Variants in SIPA1L2 observed in about 807,000 individuals in gnomAD.
SIPA1L2 encodes the protein signal-induced proliferation-associated 1-like protein 2.
SIPA1L2 carries 56 observed loss-of-function variants against 163.9 expected under a neutral mutation model. The observed-to-expected ratio is 0.34, with a 90% confidence interval of 0.28 to 0.43. The LOEUF (loss-of-function observed/expected upper bound fraction) is 0.43. Ranked by LOEUF, SIPA1L2 falls within the 20% of genes least tolerant of loss-of-function variation. The pLI is 1.00. For missense variants in SIPA1L2, 1,974 were observed against 2,193.5 expected, an observed-to-expected ratio of 0.90 and a Z score of 2.00; for synonymous variants, 877 against 865.7, an observed-to-expected ratio of 1.01 and a Z score of -0.23.
intron 2 of SIPA1L2, among the ~76,000 whole-genome samples, chr1:232,559,371 A>T (rs1658903273): frequency 6.6e-6 from 1 of 152,236 alleles, no homozygotes; most frequent in Non-Finnish European, 1.5e-5. Context: ...CGGCATGTAG[A>T]GTGCTTTAGA....
At chr1:232,403,047 A>G (rs1660437155) in intron 21 of SIPA1L2, among the ~76,000 whole-genome samples, 1 of 152,242 alleles carries the variant, frequency 6.6e-6, no homozygotes, top group African/African-American at 2.4e-5. Flanking sequence ...GGGAGGGGCC[A>G]TGCCCTGGGC....
At chr1:232,503,384 A>C (rs1423968443) in intron 3 of SIPA1L2, among the ~76,000 whole-genome samples, 1 of 152,250 alleles carries the variant, frequency 6.6e-6, no homozygotes, top group African/African-American at 2.4e-5. Context: ...ACCCTAGCCC[A>C]AAAGCTGTTT....
At chr1:232,490,783 A>T (rs557036429) in intron 5 of SIPA1L2, 91 bp downstream of exon 5, 1 of 1,303,290 alleles carries the variant, frequency 7.7e-7, no homozygotes, top group East Asian at 2.3e-5. Context: ...AAAATAAATG[A>T]TCTTACAAGA....
rs183682892 is a variant in SIPA1L2, at chr1:232,505,644, C to T, written c.1483+8213G>A. On this transcript the variant is annotated intron_variant, in intron 3 of 22. Coordinates refer to ENST00000674635, the MANE Select transcript of SIPA1L2 (RefSeq NM_020808.5). ...GGCACCTCTGCAAGAGAGAAAGCCC[C>T]GGTGTTTTCCACCGACGGCCACATG... 4.4e-4 allele frequency among the ~76,000 whole-genome samples: 67 copies of T among 152,236 alleles called. 1 individual carries two copies. The highest frequency in any genetic ancestry group is 2.7e-3 in the East Asian group (14 of 5,176).
intron 2 of SIPA1L2, among the ~76,000 whole-genome samples, chr1:232,572,910 CT>C (rs1422814200): frequency 6.6e-6 from 1 of 151,846 alleles, no homozygotes; most frequent in African/African-American, 2.4e-5. Flanking sequence ...TCCCAAGTAG[CT>C]GGGATTACAG....
intron 1 of SIPA1L2, among the ~76,000 whole-genome samples, chr1:232,619,386 G>A (rs1662679120): frequency 6.6e-6 from 1 of 152,166 alleles, no homozygotes; most frequent in African/African-American, 2.4e-5. Flanking sequence ...TAATACACCT[G>A]ACACATAGCC....
chr1:232,567,042 G>T (rs12072371), intron 2 of SIPA1L2, among the ~76,000 whole-genome samples: 2 of 151,916 alleles, frequency 1.3e-5, no homozygotes, highest in African/African-American at 4.8e-5. Context: ...TATAAAATAC[G>T]ACTAATGGAT....
chr1:232,434,481 G>C (rs1156997739), intron 15 of SIPA1L2, among the ~76,000 whole-genome samples: 1 of 151,996 alleles, frequency 6.6e-6, no homozygotes, highest in Admixed American at 6.6e-5. Context: ...TGTGGGTCTC[G>C]GGAAGACGCT....
chr1:232,432,584 C>T lies in SIPA1L2; in HGVS notation c.4032-113G>A, dbSNP rs1337459679. The T allele has an allele frequency of 9.3e-6, 9 of 970,052 alleles. No homozygotes were observed. The East Asian group carries it at 1.0e-4, about 11-fold the overall frequency. The allele number at this position is 970,052 out of a possible 1,614,324, so 60.1% of individuals were successfully genotyped here. A position where few individuals can be genotyped will look rare whatever the true frequency, so the allele number is the denominator to read the frequency against. ...TCAAGTCTTTCTCCGAGAGCAAAAT[C>T]GGGCCCAGTGAGGCAGATGGAGCCT... On this transcript the variant is annotated intron_variant, in intron 15 of 22. Transcript: ENST00000674635.
At chr1:232,436,623 GC>G (rs1233652921) in intron 15 of SIPA1L2, among the ~76,000 whole-genome samples, 2 of 152,194 alleles carry the variant, frequency 1.3e-5, no homozygotes, top group African/African-American at 2.4e-5. Flanking sequence ...CTTCCTCATG[GC>G]CACCCATGCC....
At chr1:232,599,901 C>G (rs1369462812) in intron 1 of SIPA1L2, among the ~76,000 whole-genome samples, 5 of 152,234 alleles carry the variant, frequency 3.3e-5, no homozygotes, top group Admixed American at 2.6e-4. Context: ...ATATCCTGTC[C>G]AAGAAATGCC....
chr1:232,437,244 T>A (rs1384435228), intron 15 of SIPA1L2, among the ~76,000 whole-genome samples: 3 of 152,178 alleles, frequency 2.0e-5, no homozygotes, highest in Non-Finnish European at 4.4e-5. Flanking sequence ...CAAAAAGGTG[T>A]CATGAAATCA....
chr1:232,506,282 C>T (rs77431648), intron 3 of SIPA1L2, among the ~76,000 whole-genome samples: 5,348 of 152,238 alleles, frequency 0.035, 151 homozygotes, highest in Non-Finnish European at 0.05. Context: ...GGGGGGCATG[C>T]TATTGACAAG....
intron 2 of SIPA1L2, among the ~76,000 whole-genome samples, chr1:232,558,610 T>G (rs58725315): frequency 3.3e-5 from 5 of 152,202 alleles, no homozygotes; most frequent in African/African-American, 7.2e-5. Context: ...GTCTGAGAGA[T>G]AGATCCATTC....
intron 1 of SIPA1L2, among the ~76,000 whole-genome samples, chr1:232,575,069 G>A (rs1013813801): frequency 6.6e-6 from 1 of 152,138 alleles, no homozygotes; most frequent in Admixed American, 6.5e-5. Context: ...AATAATCAAC[G>A]TAAGAATTTC....
chr1:232,579,573 G>A (rs575581261), intron 1 of SIPA1L2, among the ~76,000 whole-genome samples: 1 of 152,302 alleles, frequency 6.6e-6, no homozygotes, highest in South Asian at 2.1e-4. Context: ...ATTCCCATAA[G>A]GGAATCCATA....
At position 232,514,902 on chromosome 1, in the gene SIPA1L2, G is replaced by A; in HGVS notation, c.438C>T (p.Val146=). The A allele has an allele frequency of 6.2e-7, 1 of 1,614,156 alleles. No individual in the cohort carries two copies. The highest frequency in any genetic ancestry group is 8.5e-7 in the Non-Finnish European group (1 of 1,180,022). ...GGTGAAGTCCTCTTTGGGGGGAATGGACAAAGATGTCTCCGATTGTGTACT... is the reference window on the plus strand; with the variant it reads ...GGTGAAGTCCTCTTTGGGGGGAATGAACAAAGATGTCTCCGATTGTGTACT... ...EAKYTIGDIF[V]HSPQRGLHPI... is the part of the protein sequence containing the mutation. Residue 146 remains valine (V), a synonymous_variant, in exon 3 of 23, where the codon GTC becomes GTT. Transcript: ENST00000674635.
At chr1:232,434,760 G>C (rs904616656) in intron 15 of SIPA1L2, among the ~76,000 whole-genome samples, 1 of 152,162 alleles carries the variant, frequency 6.6e-6, no homozygotes, top group African/African-American at 2.4e-5. Context: ...AAAGGGAAAG[G>C]ATAGTAGCAT....
chr1:232,430,032 TAAAGA>T (rs1265989404), intron 16 of SIPA1L2, among the ~76,000 whole-genome samples: 2 of 152,246 alleles, frequency 1.3e-5, no homozygotes, highest in African/African-American at 4.8e-5. Flanking sequence ...ACTAGTAATT[TAAAGA>T]AATTATCCAA....
Sources: allele counts gnomAD v4.1 joint callset (sites outside exome capture counted in the v4.1 genomes callset), GRCh38; gene constraint gnomAD v4.1.1; transcripts MANE v1.5; gene names NCBI Gene and HGNC (gene_info 2026-07-23, HGNC 2026-07-21).